The following CNTNAP5 variants were observed in gnomAD, a reference collection of about 807,000 sequenced individuals.
CNTNAP5 encodes contactin associated protein family member 5.
CNTNAP5 carries 72 observed loss-of-function variants against 150.2 expected under a neutral mutation model. The ratio of observed to expected loss-of-function variants is 0.48; its 90% CI spans 0.40 to 0.58. The LOEUF (loss-of-function observed/expected upper bound fraction) is 0.58. Among genes scored for constraint, CNTNAP5 ranks in the 20% least tolerant of loss-of-function variants. The probability of loss-of-function intolerance (pLI) is 0.00; values close to 1 mark genes in which losing one functional copy is unlikely to be tolerated. For synonymous variants in CNTNAP5, 672 were observed against 619.8 expected (o/e 1.08, Z -1.25); for missense variants, 1,636 against 1,626.2 (o/e 1.01, Z -0.10).
chr2:124,337,344 C>G (rs760745644), intron 3 of CNTNAP5, among the ~76,000 whole-genome samples: 16 of 152,086 alleles, frequency 1.1e-4, no homozygotes, highest in Admixed American at 6.6e-4. Flanking sequence ...TCTGATGGTA[C>G]TTTCTTTTGC....
At chr2:124,311,615 C>T (rs912128427) in intron 3 of CNTNAP5, among the ~76,000 whole-genome samples, 2 of 152,310 alleles carry the variant, frequency 1.3e-5, no homozygotes, top group Middle Eastern at 3.4e-3. Context: ...GCTCAAATTT[C>T]CTATGAATTT....
intron 1 of CNTNAP5, among the ~76,000 whole-genome samples, chr2:124,028,875 G>A (rs968288039): frequency 5.3e-5 from 8 of 151,904 alleles, no homozygotes; most frequent in Non-Finnish European, 1.2e-4. Context: ...CAGAACAGCA[G>A]GTAAATATGT....
At position 124,312,369 on chromosome 2, in the gene CNTNAP5, A is replaced by T. The variant is rs867123695; in HGVS notation, c.381+69976A>T. ...TATTTTTATTTTTTATTTTTCTGAG[A>T]TGGAGTTTCACTCTTGTTGCCCAGG... On this transcript the variant is annotated intron_variant, in intron 3 of 23. Transcript: ENST00000682447. 2.6e-5 allele frequency among the ~76,000 whole-genome samples: 4 copies of T among 152,130 alleles called. No homozygotes were observed. The Middle Eastern group carries it at 0.014, about 517-fold the overall frequency.
intron 1 of CNTNAP5, among the ~76,000 whole-genome samples, chr2:124,028,945 G>A (rs948131389): frequency 6.6e-6 from 1 of 152,082 alleles, no homozygotes; most frequent in Admixed American, 6.5e-5. Flanking sequence ...GATAAAATGT[G>A]CATTCAGAAG....
chr2:124,124,467 G>A (rs1422528507), intron 1 of CNTNAP5, among the ~76,000 whole-genome samples: 1 of 152,162 alleles, frequency 6.6e-6, no homozygotes, highest in Non-Finnish European at 1.5e-5. Context: ...GGGGAGAATG[G>A]AACCAAGTTG....
rs984228750 is a variant in CNTNAP5 at position 124,919,198 on chromosome 2, A to G, written c.*4910A>G. ...TCAACTTTTCTCTTGAACATTCTAC[A>G]TACATATCTGTTTGGTAGGGAGAGA... On this transcript the variant is annotated 3_prime_UTR_variant, in exon 24 of 24. Coordinates refer to ENST00000682447, the MANE Select transcript of CNTNAP5 (RefSeq NM_001367498.1). Among the ~76,000 whole-genome samples the G allele has an allele frequency of 6.6e-6, 1 of 152,082 alleles. No homozygotes were observed. Among genetic ancestry groups the G allele is most frequent in the African/African-American group, 2.4e-5 (1 of 41,440 alleles).
At chr2:124,875,348 G>A (rs1677832818) in intron 21 of CNTNAP5, among the ~76,000 whole-genome samples, 2 of 151,916 alleles carry the variant, frequency 1.3e-5, no homozygotes, top group African/African-American at 4.8e-5. Context: ...TTTTGATTTT[G>A]GACACAGAGC....
chr2:124,125,958 G>A (rs1473797986), intron 1 of CNTNAP5, among the ~76,000 whole-genome samples: 1 of 152,176 alleles, frequency 6.6e-6, no homozygotes, highest in East Asian at 1.9e-4. Flanking sequence ...ACAAGGGAAA[G>A]CAGGAAAGAT....
At chr2:124,124,061 T>C (rs1261239465) in intron 1 of CNTNAP5, among the ~76,000 whole-genome samples, 1 of 152,146 alleles carries the variant, frequency 6.6e-6, no homozygotes, top group East Asian at 1.9e-4. Flanking sequence ...GAGAATGATT[T>C]TGACAAGTTG....
chr2:124,445,610 G>A (rs905095274), intron 5 of CNTNAP5, among the ~76,000 whole-genome samples: 2 of 152,120 alleles, frequency 1.3e-5, no homozygotes, highest in African/African-American at 4.8e-5. Context: ...AAGTTACTCA[G>A]TGAAGGAAAT....
intron 3 of CNTNAP5, among the ~76,000 whole-genome samples, chr2:124,361,717 T>C (rs1690204680): frequency 6.6e-6 from 1 of 150,834 alleles, no homozygotes; most frequent in Non-Finnish European, 1.5e-5. Context: ...TTCAAAGCTG[T>C]CAGACAGGGA....
At chr2:124,794,712 A>G (rs1332861171) in intron 18 of CNTNAP5, among the ~76,000 whole-genome samples, 1 of 152,106 alleles carries the variant, frequency 6.6e-6, no homozygotes, top group Non-Finnish European at 1.5e-5. Context: ...ACTCCCATTC[A>G]CCGGTTATCT....
At chr2:124,525,067 C>T (rs1021974805) in intron 9 of CNTNAP5, among the ~76,000 whole-genome samples, 1 of 152,076 alleles carries the variant, frequency 6.6e-6, no homozygotes, top group African/African-American at 2.4e-5. Flanking sequence ...GGAACCTTTC[C>T]AATGACAAAA....
chr2:124,361,911 G>A (rs1358633681), intron 3 of CNTNAP5, among the ~76,000 whole-genome samples: 6 of 151,854 alleles, frequency 4.0e-5, no homozygotes, highest in Admixed American at 1.3e-4. Flanking sequence ...CCCCAGCCTC[G>A]CTGCCGCCTT....
At chr2:124,456,669 CTATAAGGCCA>C (rs1343063057) in intron 6 of CNTNAP5, among the ~76,000 whole-genome samples, 2 of 152,116 alleles carry the variant, frequency 1.3e-5, no homozygotes, top group Non-Finnish European at 2.9e-5. Context: ...TCAAACTATA[CTATAAGGCCA>C]TAGTAACCAA....
chr2:124,221,861 G>A (rs1442688524), intron 2 of CNTNAP5, 52 bp downstream of exon 2: 2 of 1,214,570 alleles, frequency 1.6e-6, no homozygotes, highest in Non-Finnish European at 2.4e-6. Flanking sequence ...ATTACGTGGT[G>A]GGTAGGTGAA....
At chr2:124,236,918 A>G (rs954694864) in intron 2 of CNTNAP5, among the ~76,000 whole-genome samples, 1 of 152,172 alleles carries the variant, frequency 6.6e-6, no homozygotes, top group African/African-American at 2.4e-5. Flanking sequence ...CCTGGAGGTC[A>G]GGAGTTCAAG....
intron 13 of CNTNAP5, among the ~76,000 whole-genome samples, chr2:124,674,007 C>A (rs951879127): frequency 4.6e-5 from 7 of 152,086 alleles, no homozygotes; most frequent in African/African-American, 1.7e-4. Flanking sequence ...TTCAGTCATT[C>A]CCCATTCCTG....
At chr2:124,300,192 A>G (rs1558840240) in intron 3 of CNTNAP5, among the ~76,000 whole-genome samples, 1 of 152,204 alleles carries the variant, frequency 6.6e-6, no homozygotes, top group Non-Finnish European at 1.5e-5. Flanking sequence ...ATCTATGAGT[A>G]TCCACCTGTC....
Sources: allele counts gnomAD v4.1 joint callset (sites outside exome capture counted in the v4.1 genomes callset), GRCh38; gene constraint gnomAD v4.1.1; transcripts MANE v1.5; gene names NCBI Gene and HGNC (gene_info 2026-07-23, HGNC 2026-07-21).